Variants in PCLO observed in about 807,000 individuals in gnomAD.
The protein encoded by PCLO is protein piccolo.
In PCLO, 82 loss-of-function variants were observed where a neutral mutation model predicts 427.5. The observed-to-expected ratio is 0.19, with a 90% CI of 0.16 to 0.23. The LOEUF is 0.23. Ranked by LOEUF, PCLO falls within the 10% of genes least tolerant of loss-of-function variation. The pLI is 1.00. For missense variants in PCLO, 6,239 were observed against 6,115.9 expected (o/e 1.02, Z -0.67); for synonymous variants, 2,357 against 2,155.4 (o/e 1.09, Z -2.59).
chr7:82,952,603 T>C lies in PCLO; in HGVS notation c.8350A>G (p.Ile2784Val), dbSNP rs376416924. The change falls in exon 5 of 25, where the codon ATA becomes GTA. Residue 2784 changes from isoleucine to valine, a missense_variant. Ile to Val is a conservative substitution (Grantham distance 29). Transcript: ENST00000333891. ...GTGGCCAGAGATACAGGAGTCACTATTGATGATGTCACACTAAGATTTATA... is the reference window on the plus strand; with the variant it reads ...GTGGCCAGAGATACAGGAGTCACTACTGATGATGTCACACTAAGATTTATA... ...SIINLSVTSS[I>V]VTPVSLATET... 5.8e-5 allele frequency: 93 copies of C among 1,613,822 alleles called. No homozygotes were observed. The highest frequency in any genetic ancestry group is 4.5e-4 in the African/African-American group (34 of 74,932).
chr7:82,790,963 C>T (rs62463994), intron 22 of PCLO, among the ~76,000 whole-genome samples: 4,934 of 152,232 alleles, frequency 0.032, 108 homozygotes, highest in South Asian at 0.053. Flanking sequence ...ATTTCAGTTT[C>T]GCAATTATGT....
intron 3 of PCLO, among the ~76,000 whole-genome samples, chr7:83,093,492 A>ATATATTT: frequency 1.9e-4 from 11 of 59,322 alleles, no homozygotes; most frequent in South Asian, 6.1e-4. Flanking sequence ...ATATATATAT[A>ATATATTT]TTTTTTTTTT....
intron 3 of PCLO, among the ~76,000 whole-genome samples, chr7:83,123,012 G>A (rs1294746823): frequency 6.6e-6 from 1 of 152,152 alleles, no homozygotes; most frequent in Non-Finnish European, 1.5e-5. Context: ...GATAGTTCAT[G>A]TTTATGGATT....
chr7:82,822,333 C>G (rs1289092250), intron 20 of PCLO, 162 bp downstream of exon 20: 1 of 1,459,670 alleles, frequency 6.9e-7, no homozygotes, highest in Non-Finnish European at 9.0e-7. Flanking sequence ...TAAGAAAGAG[C>G]ATATTAATGT....
intron 9 of PCLO, among the ~76,000 whole-genome samples, chr7:82,888,784 C>CA (rs1793687224): frequency 6.6e-6 from 1 of 152,054 alleles, no homozygotes. Flanking sequence ...CAAAACAAAA[C>CA]AAACAAAATA....
At chr7:82,934,111 G>T (rs1303073157) in intron 6 of PCLO, among the ~76,000 whole-genome samples, 4 of 151,764 alleles carry the variant, frequency 2.6e-5, no homozygotes, top group East Asian at 1.9e-4. Context: ...CATTATTAAT[G>T]ATTTTTATGG....
chr7:82,789,746 C>T (rs1791062615), intron 22 of PCLO, among the ~76,000 whole-genome samples: 1 of 152,138 alleles, frequency 6.6e-6, no homozygotes, highest in Admixed American at 6.5e-5. Flanking sequence ...CTAATTCAAA[C>T]TCCAAATTAC....
intron 3 of PCLO, among the ~76,000 whole-genome samples, chr7:82,991,482 T>C (rs1796375509): frequency 6.6e-6 from 1 of 152,116 alleles, no homozygotes; most frequent in Admixed American, 6.6e-5. Flanking sequence ...ACTATTCCTT[T>C]TTACTATCAT....
At chr7:82,805,422 T>C (rs1358141594) in intron 21 of PCLO, among the ~76,000 whole-genome samples, 1 of 152,348 alleles carries the variant, frequency 6.6e-6, no homozygotes, top group East Asian at 1.9e-4. Flanking sequence ...TATTCTGGCA[T>C]GGCTAAGTGA....
At chr7:83,147,373 T>A (rs1049273791) in intron 2 of PCLO, among the ~76,000 whole-genome samples, 2 of 152,198 alleles carry the variant, frequency 1.3e-5, no homozygotes, top group African/African-American at 2.4e-5. Context: ...TTAAACAGTA[T>A]GAACAATACC....
intron 16 of PCLO, among the ~76,000 whole-genome samples, chr7:82,830,319 T>G (rs2115704379): frequency 6.6e-6 from 1 of 152,028 alleles, no homozygotes; most frequent in South Asian, 2.1e-4. Context: ...TCCTTTAAAT[T>G]TAGTTTTGGA....
chr7:82,777,606 T>C (rs1430397248), intron 22 of PCLO, among the ~76,000 whole-genome samples: 1 of 152,066 alleles, frequency 6.6e-6, no homozygotes, highest in East Asian at 1.9e-4. Flanking sequence ...CACCTACAAC[T>C]ATCTGATCTT....
chr7:82,856,779 G>C (rs907252402), intron 10 of PCLO, among the ~76,000 whole-genome samples: 1 of 151,994 alleles, frequency 6.6e-6, no homozygotes, highest in African/African-American at 2.4e-5. Flanking sequence ...ATTAATACTG[G>C]TCTGCTGTGG....
At chr7:82,799,088 A>T (rs1359433582) in intron 22 of PCLO, among the ~76,000 whole-genome samples, 1 of 152,226 alleles carries the variant, frequency 6.6e-6, no homozygotes, top group Non-Finnish European at 1.5e-5. Context: ...GTTCATTGAC[A>T]GCTGTTAACA....
intron 16 of PCLO, among the ~76,000 whole-genome samples, chr7:82,833,898 A>G (rs1419710914): frequency 2.6e-5 from 4 of 152,188 alleles, no homozygotes; most frequent in Non-Finnish European, 5.9e-5. Context: ...AAGATAAAAT[A>G]GTTTTAGAGA....
At chr7:82,914,661 CA>C in intron 7 of PCLO, 24 bp downstream of exon 7, 2 of 1,608,334 alleles carry the variant, frequency 1.2e-6, no homozygotes, top group Non-Finnish European at 1.7e-6. Flanking sequence ...TTGAGAGTAA[CA>C]GGGTAGTTTG....
At chr7:83,002,156 T>C (rs1328607296) in intron 3 of PCLO, among the ~76,000 whole-genome samples, 1 of 151,984 alleles carries the variant, frequency 6.6e-6, no homozygotes, top group African/African-American at 2.4e-5. Context: ...TAGTACTCCT[T>C]TCTGGATCTC....
rs760411678 is a variant in PCLO, at chr7:82,955,439, C to T, written c.5514G>A (p.Pro1838=). ...CTGCAGCCTGACGTAACTCTTCTGTCGGAGATGCATCTTCAATGGGAGAGA... is the reference window on the plus strand; with the variant it reads ...CTGCAGCCTGACGTAACTCTTCTGTTGGAGATGCATCTTCAATGGGAGAGA... The part of the protein sequence containing the change: ...SNLSPIEDAS[P]TEELRQAAEM... Residue 1838 remains proline (P), a synonymous_variant, in exon 5 of 25, where the codon CCG becomes CCA. Coordinates refer to ENST00000333891, the MANE Select transcript of PCLO (RefSeq NM_033026.6). The T allele has an allele frequency of 1.5e-5, 25 of 1,613,676 alleles. No homozygotes were observed. The South Asian group carries it at 1.9e-4, about 12-fold the overall frequency.
At chr7:82,875,319 A>T (rs1407746947) in intron 10 of PCLO, among the ~76,000 whole-genome samples, 3 of 152,020 alleles carry the variant, frequency 2.0e-5, no homozygotes, top group African/African-American at 7.2e-5. Context: ...GTGTTTTAAA[A>T]CCATTTTATT....
Sources: allele counts gnomAD v4.1 joint callset (sites outside exome capture counted in the v4.1 genomes callset), GRCh38; gene constraint gnomAD v4.1.1; transcripts MANE v1.5; gene names NCBI Gene and HGNC (gene_info 2026-07-23, HGNC 2026-07-21).